The following SYNDIG1 variants were observed in gnomAD, a reference collection of about 807,000 sequenced individuals.
SYNDIG1 encodes the protein synapse differentiation inducing 1, also known as synapse differentiation-inducing gene protein 1.
In SYNDIG1, 9 loss-of-function variants were observed where a neutral mutation model predicts 19.4. The observed-to-expected ratio is 0.46, with a 90% CI of 0.28 to 0.81. The LOEUF is 0.81. Ranked by LOEUF, SYNDIG1 falls within the 30% of genes least tolerant of loss-of-function variation. The pLI, the probability that SYNDIG1 is intolerant of heterozygous loss-of-function variation, is 0.12. For synonymous variants in SYNDIG1, 141 were observed against 145.9 expected, an observed-to-expected ratio of 0.97 and a Z score of 0.24; for missense variants, 311 against 343.3, an observed-to-expected ratio of 0.91 and a Z score of 0.74.
intron 3 of SYNDIG1, among the ~76,000 whole-genome samples, chr20:24,619,836 G>A (rs900252142): frequency 2.0e-5 from 3 of 152,136 alleles, no homozygotes; most frequent in African/African-American, 7.2e-5. Flanking sequence ...GCAAAATCAG[G>A]GTTCTGTATC....
At chr20:24,555,037 G>T (rs1288638992) in intron 2 of SYNDIG1, among the ~76,000 whole-genome samples, 1 of 152,176 alleles carries the variant, frequency 6.6e-6, no homozygotes, top group Non-Finnish European at 1.5e-5. Flanking sequence ...TCTTGGGAGG[G>T]TGTATGTGTC....
At position 24,469,744 on chromosome 20, in the gene SYNDIG1, T is replaced by G. The variant is rs939235964; in HGVS notation, c.-88T>G. The G allele has an allele frequency of 6.6e-6, 1 of 151,676 alleles. No homozygotes were observed. The highest frequency in any genetic ancestry group is 2.4e-5 in the African/African-American group (1 of 41,360). 9.4% of individuals were successfully genotyped at this position (151,676 alleles called of 1,614,324 possible). On this transcript the variant is annotated 5_prime_UTR_variant, in exon 1 of 4. Transcript: ENST00000376862. Reference sequence around the variant, plus strand: ...CTTGGGCGCACTTGCCGGGTCACCTTGTCCCGGAGGTAAGTCCAGACCTCC... The same window carrying G: ...CTTGGGCGCACTTGCCGGGTCACCTGGTCCCGGAGGTAAGTCCAGACCTCC...
At chr20:24,617,170 T>C (rs777812134) in intron 3 of SYNDIG1, among the ~76,000 whole-genome samples, 1 of 151,924 alleles carries the variant, frequency 6.6e-6, no homozygotes, top group South Asian at 2.1e-4. Context: ...GTCCCCAGGG[T>C]TCTCCTGCAG....
At chr20:24,501,436 G>A (rs557231598) in intron 1 of SYNDIG1, among the ~76,000 whole-genome samples, 3 of 152,294 alleles carry the variant, frequency 2.0e-5, no homozygotes, top group Admixed American at 6.5e-5. Context: ...CACGGATATC[G>A]TTGATCACCC....
chr20:24,636,086 A>G (rs2059312465), intron 3 of SYNDIG1, among the ~76,000 whole-genome samples: 1 of 152,220 alleles, frequency 6.6e-6, no homozygotes, highest in Admixed American at 6.5e-5. Flanking sequence ...GGGGGGCTCT[A>G]TGAACAATGT....
intron 3 of SYNDIG1, among the ~76,000 whole-genome samples, chr20:24,664,283 G>A (rs141160560): frequency 6.6e-6 from 1 of 152,064 alleles, no homozygotes; most frequent in Admixed American, 6.5e-5. Context: ...GTGTGTTTTA[G>A]CTGGTGTGTT....
At chr20:24,624,310 T>G (rs942469064) in intron 3 of SYNDIG1, among the ~76,000 whole-genome samples, 2 of 151,228 alleles carry the variant, frequency 1.3e-5, no homozygotes, top group African/African-American at 4.9e-5. Context: ...AGAAACCTAC[T>G]TTAAATATAA....
intron 1 of SYNDIG1, among the ~76,000 whole-genome samples, chr20:24,534,827 G>A (rs1233560700): frequency 3.3e-5 from 5 of 152,214 alleles, no homozygotes; most frequent in Admixed American, 1.3e-4. Context: ...TGCTCGTGGT[G>A]TGGTAGGGGC....
intron 2 of SYNDIG1, among the ~76,000 whole-genome samples, chr20:24,584,206 C>T (rs977004432): frequency 1.3e-5 from 2 of 152,156 alleles, no homozygotes; most frequent in Non-Finnish European, 2.9e-5. Flanking sequence ...ATCCTCTGCT[C>T]CTCAGGAAGC....
chr20:24,510,024 C>T (rs1047766075), intron 1 of SYNDIG1, among the ~76,000 whole-genome samples: 1 of 152,154 alleles, frequency 6.6e-6, no homozygotes, highest in Non-Finnish European at 1.5e-5. Flanking sequence ...CTGCTTTGGC[C>T]AGGTGACCTG....
chr20:24,543,271 G>T lies in SYNDIG1; in HGVS notation c.174G>T (p.Val58=). 6.2e-7 allele frequency: 1 copy of T among 1,613,670 alleles called. No homozygotes were observed. Among genetic ancestry groups the T allele is most frequent in the Non-Finnish European group, 8.5e-7 (1 of 1,180,030 alleles). Reference sequence around the variant, plus strand: ...GCCACCGGGTGGGGGCCAGCACAGTGCCGGCCAGCCTGGACAGCAGCAGGA... The same window carrying T: ...GCCACCGGGTGGGGGCCAGCACAGTTCCGGCCAGCCTGGACAGCAGCAGGA... ...YQSHRVGAST[V]PASLDSSRSE... is the part of the protein sequence containing the mutation. The change falls in exon 2 of 4, where the codon GTG becomes GTT. Residue 58 remains valine (V), a synonymous_variant. Transcript: ENST00000376862.
At chr20:24,500,860 A>G (rs2056437330) in intron 1 of SYNDIG1, among the ~76,000 whole-genome samples, 1 of 152,220 alleles carries the variant, frequency 6.6e-6, no homozygotes, top group Non-Finnish European at 1.5e-5. Flanking sequence ...TCATAAAGCA[A>G]AATAAATTGC....
chr20:24,503,246 T>G (rs114174927), intron 1 of SYNDIG1, among the ~76,000 whole-genome samples: 4,775 of 152,324 alleles, frequency 0.031, 215 homozygotes, highest in African/African-American at 0.11. Context: ...GATGCGTTCC[T>G]TCTGCACGGT....
intron 1 of SYNDIG1, among the ~76,000 whole-genome samples, chr20:24,484,291 G>T (rs2055894528): frequency 6.6e-6 from 1 of 152,160 alleles, no homozygotes; most frequent in Admixed American, 6.5e-5. Context: ...GGGGCCTGGG[G>T]CTACTGGGGG....
intron 1 of SYNDIG1, among the ~76,000 whole-genome samples, chr20:24,474,760 T>C (rs2146198882): frequency 6.6e-6 from 1 of 152,364 alleles, no homozygotes; most frequent in South Asian, 2.1e-4. Flanking sequence ...TGAACAATTC[T>C]TAGGTCTCCA....
rs1235007679 is a variant in SYNDIG1 at position 24,637,225 on chromosome 20, A to G, written c.619-28121A>G. 2.6e-5 allele frequency among the ~76,000 whole-genome samples: 4 copies of G among 152,240 alleles called. No homozygotes were observed. In the East Asian group the frequency reaches 7.7e-4, roughly 29 times the overall value. On this transcript the variant is annotated intron_variant, in intron 3 of 3. Transcript: ENST00000376862. ...TACATGCAGCATAGATGCCAAATAC[A>G]TAGTGAACAGAGGAGTGAACAGCGA...
At chr20:24,604,321 G>A (rs767323502) in intron 3 of SYNDIG1, among the ~76,000 whole-genome samples, 3 of 152,076 alleles carry the variant, frequency 2.0e-5, no homozygotes, top group Non-Finnish European at 4.4e-5. Flanking sequence ...CCCAGGTTAG[G>A]CATTCTAAGT....
intron 3 of SYNDIG1, among the ~76,000 whole-genome samples, chr20:24,600,820 G>A (rs1349388532): frequency 6.6e-6 from 1 of 152,146 alleles, no homozygotes; most frequent in East Asian, 1.9e-4. Context: ...TCACCATGTT[G>A]GCCAGGCTGG....
chr20:24,515,362 A>G (rs2056839793), intron 1 of SYNDIG1, among the ~76,000 whole-genome samples: 1 of 152,240 alleles, frequency 6.6e-6, no homozygotes, highest in Non-Finnish European at 1.5e-5. Flanking sequence ...AGATCAAAAG[A>G]AAGCATATTC....
Sources: allele counts gnomAD v4.1 joint callset (sites outside exome capture counted in the v4.1 genomes callset), GRCh38; gene constraint gnomAD v4.1.1; transcripts MANE v1.5; gene names NCBI Gene and HGNC (gene_info 2026-07-23, HGNC 2026-07-21).